SPOCK1: variants seen among roughly 807,000 people sequenced by gnomAD.
SPOCK1 encodes testican-1.
A neutral mutation model predicts 55.3 loss-of-function variants in SPOCK1; 23 were observed. The observed-to-expected ratio is 0.42, with a 90% CI of 0.30 to 0.59. SPOCK1 has a LOEUF of 0.59. Ranked by LOEUF, SPOCK1 falls within the 20% of genes least tolerant of loss-of-function variation. The probability of loss-of-function intolerance (pLI) is 0.22; values close to 1 mark genes in which losing one functional copy is unlikely to be tolerated. For missense variants in SPOCK1, 499 were observed against 552.5 expected (o/e 0.90, Z 0.97); for synonymous variants, 226 against 221.0 (o/e 1.02, Z -0.20).
At position 137,117,485 on chromosome 5, in the gene SPOCK1, GA is replaced by G. The variant is rs541317559; in HGVS notation, c.348-4925del. Among the ~76,000 whole-genome samples the G allele has an allele frequency of 2.7e-3, 416 of 152,290 alleles. 3 individuals carry two copies. The highest frequency in any genetic ancestry group is 2.7e-3 in the Non-Finnish European group (181 of 68,038). On this transcript the variant is annotated intron_variant, in intron 4 of 10. Transcript: ENST00000394945. ...CCTCAATATACTATGTACTCCTTAA[GA>G]GAGGTGACTGGGCCTTAATCATGTT...
chr5:137,086,070 G>C (rs978742127), intron 5 of SPOCK1, among the ~76,000 whole-genome samples: 2 of 152,158 alleles, frequency 1.3e-5, no homozygotes, highest in Admixed American at 1.3e-4. Flanking sequence ...ATTTAGCGCA[G>C]GGACTCCCCA....
intron 3 of SPOCK1, among the ~76,000 whole-genome samples, chr5:137,207,425 T>C (rs2127079618): frequency 6.6e-6 from 1 of 152,336 alleles, no homozygotes; most frequent in East Asian, 1.9e-4. Flanking sequence ...ATATATTTCC[T>C]CCATGAATTT....
intron 3 of SPOCK1, among the ~76,000 whole-genome samples, chr5:137,206,704 T>C (rs17171076): frequency 0.02 from 2,998 of 152,346 alleles, 96 homozygotes; most frequent in African/African-American, 0.069. Context: ...ACAACCAGCA[T>C]ATTTAATTCA....
At chr5:137,176,248 G>A (rs749230388) in intron 3 of SPOCK1, among the ~76,000 whole-genome samples, 26 of 152,170 alleles carry the variant, frequency 1.7e-4, no homozygotes, top group East Asian at 3.9e-4. Flanking sequence ...ACAAATGGCC[G>A]GTATATCCTC....
chr5:137,432,598 C>T (rs1321833356), intron 2 of SPOCK1, among the ~76,000 whole-genome samples: 1 of 151,966 alleles, frequency 6.6e-6, no homozygotes, highest in Non-Finnish European at 1.5e-5. Context: ...ATGGTGGTTG[C>T]CTGGGGCTGG....
chr5:137,250,977 A>G (rs1361673499), intron 3 of SPOCK1, among the ~76,000 whole-genome samples: 1 of 152,164 alleles, frequency 6.6e-6, no homozygotes, highest in African/African-American at 2.4e-5. Context: ...AACACCAGAA[A>G]GCGGAGTCTC....
intron 4 of SPOCK1, among the ~76,000 whole-genome samples, chr5:137,139,780 T>C (rs1390819793): frequency 6.6e-6 from 1 of 152,154 alleles, no homozygotes; most frequent in Non-Finnish European, 1.5e-5. Context: ...CTCTCATCCC[T>C]GCCCCATCTG....
rs2126954423 is a variant in SPOCK1 at position 136,975,432 on chromosome 5, T to A, written c.*3222A>T. ...ACGTGGAAAAGCATTCAGAATTTAC[T>A]AGGTTTTTGCTACATCACTATTTCA... On this transcript the variant is annotated 3_prime_UTR_variant, in exon 11 of 11. Transcript: ENST00000394945. 1 of 152,764 alleles carries A rather than the reference T, an allele frequency of 6.5e-6. No individual in the cohort carries two copies. Among genetic ancestry groups the A allele is most frequent in the East Asian group, 1.9e-4 (1 of 5,182 alleles). 9.5% of individuals were successfully genotyped at this position (152,764 alleles called of 1,614,324 possible). A position where few individuals can be genotyped will look rare whatever the true frequency, so the allele number is the denominator to read the frequency against.
chr5:137,165,005 G>C (rs992105647), intron 3 of SPOCK1, among the ~76,000 whole-genome samples: 2 of 152,232 alleles, frequency 1.3e-5, no homozygotes, highest in Non-Finnish European at 2.9e-5. Flanking sequence ...CCACCCTAAA[G>C]GGAAGGACAC....
At chr5:137,420,800 G>T (rs1396518454) in intron 2 of SPOCK1, among the ~76,000 whole-genome samples, 1 of 152,122 alleles carries the variant, frequency 6.6e-6, no homozygotes, top group African/African-American at 2.4e-5. Context: ...ATCTCCTTCA[G>T]TTCTGCTCTG....
chr5:137,487,040 C>T (rs1754072925), intron 2 of SPOCK1, among the ~76,000 whole-genome samples: 1 of 152,182 alleles, frequency 6.6e-6, no homozygotes, highest in Admixed American at 6.5e-5. Flanking sequence ...CCATATTCCC[C>T]TAACAGTGGA....
intron 2 of SPOCK1, among the ~76,000 whole-genome samples, chr5:137,475,575 T>G (rs1328552287): frequency 6.7e-6 from 1 of 150,224 alleles, no homozygotes; most frequent in Non-Finnish European, 1.5e-5. Context: ...TATCTTTATT[T>G]ATTTATTTAT....
intron 3 of SPOCK1, among the ~76,000 whole-genome samples, chr5:137,218,742 TC>T (rs1755766347): frequency 1.3e-5 from 2 of 152,164 alleles, no homozygotes; most frequent in South Asian, 4.1e-4. Flanking sequence ...CTAGTCAGAT[TC>T]TTCCCCTACA....
intron 5 of SPOCK1, among the ~76,000 whole-genome samples, chr5:137,072,111 A>G (rs1752632376): frequency 6.6e-6 from 1 of 152,212 alleles, no homozygotes; most frequent in Non-Finnish European, 1.5e-5. Flanking sequence ...CAAAACAAAA[A>G]CTATGAAACA....
chr5:137,235,623 T>TG (rs1756165800), intron 3 of SPOCK1, among the ~76,000 whole-genome samples: 1 of 152,252 alleles, frequency 6.6e-6, no homozygotes, highest in Non-Finnish European at 1.5e-5. Flanking sequence ...AGCAGGTAGA[T>TG]GCACGTGTCT....
intron 2 of SPOCK1, among the ~76,000 whole-genome samples, chr5:137,417,423 G>GTT (rs1218508163): frequency 1.4e-5 from 2 of 146,182 alleles, no homozygotes; most frequent in African/African-American, 5.1e-5. Context: ...TACAGAAGAT[G>GTT]ACTTTTGACA....
intron 9 of SPOCK1, 132 bp from the exon 10 acceptor site, chr5:136,979,601 G>T (rs1205089875): frequency 3.3e-6 from 4 of 1,206,472 alleles, no homozygotes; most frequent in East Asian, 2.4e-5. Flanking sequence ...GGATGGGGAT[G>T]GTTGGCTATT....
chr5:137,279,988 G>A (rs1296771916), intron 2 of SPOCK1, among the ~76,000 whole-genome samples: 1 of 152,170 alleles, frequency 6.6e-6, no homozygotes, highest in African/African-American at 2.4e-5. Context: ...CCCTCTGAAG[G>A]TGAGCTCATA....
intron 6 of SPOCK1, among the ~76,000 whole-genome samples, chr5:137,064,677 T>G (rs1164272159): frequency 1.3e-5 from 2 of 149,008 alleles, no homozygotes; most frequent in Non-Finnish European, 2.9e-5. Flanking sequence ...ACCTCTCCCT[T>G]GTACCCATGC....
Sources: gnomAD v4.1 joint callset for allele counts (sites outside exome capture counted in the v4.1 genomes callset) on GRCh38, gnomAD v4.1.1 for gene constraint, MANE v1.5 for transcripts, NCBI Gene and HGNC (gene_info 2026-07-23, HGNC 2026-07-21) for gene names.